GNG4: variants seen among roughly 807,000 people sequenced by gnomAD.
GNG4 encodes G protein subunit gamma 4.
GNG4 carries 4 observed loss-of-function variants against 5.8 expected under a neutral mutation model. The ratio of observed to expected loss-of-function variants is 0.69; its 90% CI spans 0.34 to 1.57. GNG4 has a LOEUF of 1.57. GNG4 is among the 40% of genes most tolerant of loss of function. GNG4 has a pLI of 0.06. For synonymous variants in GNG4, 29 were observed against 32.9 expected (o/e 0.88, Z 0.41); for missense variants, 96 against 95.1 (o/e 1.01, Z -0.04).
intron 1 of GNG4, among the ~76,000 whole-genome samples, chr1:235,632,505 G>T (rs1466822226): frequency 6.6e-6 from 1 of 152,242 alleles, no homozygotes; most frequent in Admixed American, 6.5e-5. Context: ...TGGAGATGTG[G>T]TTTAACCAAC....
chr1:235,600,194 A>C (rs903200761), intron 1 of GNG4, among the ~76,000 whole-genome samples: 1 of 139,902 alleles, frequency 7.1e-6, no homozygotes, highest in Non-Finnish European at 1.5e-5. Flanking sequence ...GGCACACCAC[A>C]ACCTCCACCT....
At position 235,551,290 on chromosome 1, in the gene GNG4, TC is replaced by T. The variant is rs1686740059; in HGVS notation, c.*818del. The T allele has an allele frequency of 6.6e-6, 1 of 152,256 alleles. No homozygotes were observed. Among genetic ancestry groups the T allele is most frequent in the Non-Finnish European group, 1.5e-5 (1 of 68,120 alleles). The allele number at this position is 152,256 out of a possible 1,614,324, so 9.4% of individuals were successfully genotyped here. ...CGGGTGTGGTGGCTCACGCCTGTAA[TC>T]CCAGCGCTTTGGGAGGCCGAGGCGG... On this transcript the variant is annotated 3_prime_UTR_variant, in exon 4 of 4. Transcript: ENST00000391854.
At chr1:235,626,958 C>CAAAAAAAAAA (rs776506587) in intron 1 of GNG4, among the ~76,000 whole-genome samples, 7 of 77,390 alleles carry the variant, frequency 9.0e-5, no homozygotes, top group East Asian at 7.8e-4. Flanking sequence ...GACTCTATCT[C>CAAAAAAAAAA]AAAAAAAAAA....
intron 1 of GNG4, among the ~76,000 whole-genome samples, chr1:235,639,622 C>A (rs893094956): frequency 3.9e-5 from 6 of 152,170 alleles, no homozygotes; most frequent in African/African-American, 1.4e-4. Context: ...TAGCTCACTG[C>A]AACCTCTGCC....
intron 3 of GNG4, among the ~76,000 whole-genome samples, chr1:235,561,509 C>T (rs182360126): frequency 2.6e-5 from 4 of 152,246 alleles, no homozygotes; most frequent in Admixed American, 1.3e-4. Context: ...GATCTCCCAC[C>T]TCAGCTTCCT....
At chr1:235,608,720 G>A (rs1240524964) in intron 1 of GNG4, among the ~76,000 whole-genome samples, 2 of 144,636 alleles carry the variant, frequency 1.4e-5, no homozygotes, top group African/African-American at 5.1e-5. Flanking sequence ...GTCTCACTCT[G>A]TCACCCAGGC....
intron 1 of GNG4, among the ~76,000 whole-genome samples, chr1:235,634,826 C>T (rs973774944): frequency 2.0e-5 from 3 of 151,970 alleles, no homozygotes; most frequent in Admixed American, 6.6e-5. Context: ...GCCTCCTACT[C>T]GGGAGGCTGA....
At chr1:235,567,851 G>C (rs917866512) in intron 3 of GNG4, among the ~76,000 whole-genome samples, 5 of 152,092 alleles carry the variant, frequency 3.3e-5, no homozygotes, top group African/African-American at 1.2e-4. Context: ...TGTCTCACCC[G>C]ATCCCATTTC....
intron 3 of GNG4, among the ~76,000 whole-genome samples, chr1:235,562,348 A>G (rs1687086023): frequency 6.6e-6 from 1 of 152,118 alleles, no homozygotes; most frequent in Non-Finnish European, 1.5e-5. Flanking sequence ...ACAAGATAAG[A>G]TTTGCTGGGA....
chr1:235,634,668 C>T (rs777646081), intron 1 of GNG4, among the ~76,000 whole-genome samples: 3 of 152,352 alleles, frequency 2.0e-5, no homozygotes, highest in South Asian at 2.1e-4. Flanking sequence ...GCTGGCTGGA[C>T]GCAGTGGCTC....
At chr1:235,624,601 G>A (rs982977342) in intron 1 of GNG4, among the ~76,000 whole-genome samples, 8 of 152,164 alleles carry the variant, frequency 5.3e-5, no homozygotes, top group Non-Finnish European at 8.8e-5. Flanking sequence ...ACCATTCCTC[G>A]GGCAAACCAT....
At chr1:235,592,576 AT>A (rs758703598) in intron 2 of GNG4, among the ~76,000 whole-genome samples, 68 of 151,752 alleles carry the variant, frequency 4.5e-4, no homozygotes, top group Non-Finnish European at 7.4e-4. Context: ...CAGAGCTAAC[AT>A]TTTTTTTGCC....
At chr1:235,581,399 G>A (rs1002621490) in intron 3 of GNG4, among the ~76,000 whole-genome samples, 1 of 151,918 alleles carries the variant, frequency 6.6e-6, no homozygotes, top group Non-Finnish European at 1.5e-5. Flanking sequence ...CGTGGTGGTG[G>A]GCGCCTGTAG....
intron 3 of GNG4, among the ~76,000 whole-genome samples, chr1:235,562,962 T>G (rs1314345033): frequency 1.3e-5 from 2 of 152,210 alleles, no homozygotes; most frequent in African/African-American, 4.8e-5. Flanking sequence ...ATATTCTTTT[T>G]AAAGGTTAAA....
intron 3 of GNG4, among the ~76,000 whole-genome samples, chr1:235,559,027 C>T (rs1162931663): frequency 3.3e-5 from 5 of 152,158 alleles, no homozygotes; most frequent in Non-Finnish European, 7.4e-5. Context: ...AGTCACATTC[C>T]ATGACAAGAC....
intron 3 of GNG4, among the ~76,000 whole-genome samples, chr1:235,557,188 C>A (rs949784391): frequency 1.2e-4 from 18 of 152,270 alleles, no homozygotes; most frequent in Non-Finnish European, 2.5e-4. Flanking sequence ...AATCTATAAT[C>A]TACACTGTAT....
intron 3 of GNG4, 77 bp from the exon 4 acceptor site, chr1:235,552,314 C>G: frequency 7.4e-7 from 1 of 1,355,908 alleles, no homozygotes; most frequent in Non-Finnish European, 1.0e-6. Flanking sequence ...TGTCCACGTA[C>G]AGAGGGGACA....
At chr1:235,612,672 G>A (rs1571912952) in intron 1 of GNG4, among the ~76,000 whole-genome samples, 1 of 152,072 alleles carries the variant, frequency 6.6e-6, no homozygotes, top group East Asian at 1.9e-4. Context: ...ACAGGTGCAC[G>A]CCACTACGCC....
intron 1 of GNG4, among the ~76,000 whole-genome samples, chr1:235,595,829 C>T (rs990519544): frequency 6.6e-6 from 1 of 152,230 alleles, no homozygotes; most frequent in African/African-American, 2.4e-5. Flanking sequence ...GCCCCAGCTC[C>T]AGCCAAACCT....
Sources: gnomAD v4.1 joint callset for allele counts (sites outside exome capture counted in the v4.1 genomes callset) on GRCh38, gnomAD v4.1.1 for gene constraint, MANE v1.5 for transcripts, NCBI Gene and HGNC (gene_info 2026-07-23, HGNC 2026-07-21) for gene names.